The following LRMDA variants were observed in gnomAD, a reference collection of about 807,000 sequenced individuals.
The protein encoded by LRMDA is leucine rich melanocyte differentiation associated, also known as leucine-rich melanocyte differentiation-associated protein.
Under a neutral mutation model 29.8 loss-of-function variants are expected in LRMDA, and 18 were observed. The ratio of observed to expected loss-of-function variants is 0.60; its 90% confidence interval spans 0.42 to 0.90. LRMDA has a LOEUF of 0.90. LRMDA is among the 40% of genes least tolerant of loss of function. The probability of loss-of-function intolerance (pLI) is 0.00; values close to 1 mark genes in which losing one functional copy is unlikely to be tolerated. For synonymous variants in LRMDA, 125 were observed against 109.4 expected (o/e 1.14, Z -0.89); for missense variants, 273 against 273.9 (o/e 1.00, Z 0.02).
intron 5 of LRMDA, among the ~76,000 whole-genome samples, chr10:76,157,802 T>C (rs556092346): frequency 1.9e-4 from 29 of 152,128 alleles, no homozygotes; most frequent in Non-Finnish European, 2.4e-4. Flanking sequence ...TTAGGTGATT[T>C]TGTCATTGTG....
intron 2 of LRMDA, among the ~76,000 whole-genome samples, chr10:75,489,115 G>A (rs1844952188): frequency 6.6e-6 from 1 of 151,944 alleles, no homozygotes; most frequent in Non-Finnish European, 1.5e-5. Flanking sequence ...GAACCAGAGA[G>A]GGACCTCCTT....
chr10:76,176,903 C>A (rs145917687), intron 5 of LRMDA, among the ~76,000 whole-genome samples: 1 of 152,186 alleles, frequency 6.6e-6, no homozygotes, highest in African/African-American at 2.4e-5. Context: ...TGATAATTCA[C>A]GTAATACCTG....
intron 5 of LRMDA, among the ~76,000 whole-genome samples, chr10:76,236,189 A>G (rs918409877): frequency 2.6e-5 from 4 of 152,214 alleles, no homozygotes; most frequent in Non-Finnish European, 5.9e-5. Context: ...CCATCCTCAC[A>G]GGGTTAACAA....
At chr10:76,014,817 C>T (rs539378000) in intron 2 of LRMDA, among the ~76,000 whole-genome samples, 2 of 152,276 alleles carry the variant, frequency 1.3e-5, no homozygotes, top group South Asian at 4.1e-4. Context: ...GTGGCTCAGC[C>T]CTCTGGGGTG....
chr10:75,547,059 A>G (rs1264118128), intron 2 of LRMDA, among the ~76,000 whole-genome samples: 1 of 152,166 alleles, frequency 6.6e-6, no homozygotes, highest in Non-Finnish European at 1.5e-5. Context: ...TAAATCACCA[A>G]GTGCTTGTTG....
rs1589305909 is a variant in LRMDA at position 76,054,554 on chromosome 10, A to G, written c.399-4112A>G. On this transcript the variant is annotated intron_variant, in intron 4 of 6. Transcript: ENST00000611255. ...GCCCCGTGAAGGCATCCTTCACTCC[A>G]TCGTTAAACATTGGCTGATTTTCTA... 5.3e-5 allele frequency among the ~76,000 whole-genome samples: 8 copies of G among 151,892 alleles called. No homozygotes were observed. The South Asian group carries it at 1.5e-3, about 28-fold the overall frequency.
intron 5 of LRMDA, among the ~76,000 whole-genome samples, chr10:76,289,733 G>T (rs1326406917): frequency 1.3e-5 from 2 of 152,124 alleles, no homozygotes; most frequent in Non-Finnish European, 2.9e-5. Flanking sequence ...CCTCATAACT[G>T]ACCAGGCAAA....
At chr10:75,534,695 C>T (rs1372779316) in intron 2 of LRMDA, among the ~76,000 whole-genome samples, 1 of 152,196 alleles carries the variant, frequency 6.6e-6, no homozygotes, top group African/African-American at 2.4e-5. Flanking sequence ...CTTGTGATGG[C>T]TGATAGACAG....
chr10:76,159,176 A>G (rs1371352057), intron 5 of LRMDA, among the ~76,000 whole-genome samples: 1 of 152,180 alleles, frequency 6.6e-6, no homozygotes, highest in Non-Finnish European at 1.5e-5. Flanking sequence ...TAAAACAACC[A>G]TCTAACATTC....
At chr10:76,549,071 C>T (rs573512044) in intron 6 of LRMDA, among the ~76,000 whole-genome samples, 1 of 152,178 alleles carries the variant, frequency 6.6e-6, no homozygotes, top group South Asian at 2.1e-4. Context: ...AGGAACTTGC[C>T]CTGCATTTTT....
chr10:76,084,744 C>T (rs1378598207), intron 5 of LRMDA, among the ~76,000 whole-genome samples: 1 of 152,098 alleles, frequency 6.6e-6, no homozygotes, highest in Admixed American at 6.6e-5. Flanking sequence ...ACATTATTAT[C>T]AAAATTATTA....
chr10:75,647,532 T>C (rs746271177), intron 2 of LRMDA: 4 of 152,330 alleles, frequency 2.6e-5, no homozygotes, highest in Non-Finnish European at 4.4e-5. Flanking sequence ...ATGAGCAGAA[T>C]GGGTCATGTA....
intron 6 of LRMDA, among the ~76,000 whole-genome samples, chr10:76,382,711 A>G (rs532226135): frequency 3.9e-5 from 6 of 152,324 alleles, no homozygotes; most frequent in African/African-American, 1.4e-4. Context: ...CCTCTGGGGC[A>G]TCTGCCTTTG....
At chr10:76,509,806 A>C (rs1179535209) in intron 6 of LRMDA, among the ~76,000 whole-genome samples, 1 of 152,186 alleles carries the variant, frequency 6.6e-6, no homozygotes, top group Admixed American at 6.5e-5. Context: ...AGCGCAGGGC[A>C]GGCAAGCTTA....
At chr10:76,390,605 T>G (rs534013494) in intron 6 of LRMDA, among the ~76,000 whole-genome samples, 3 of 152,166 alleles carry the variant, frequency 2.0e-5, no homozygotes, top group Non-Finnish European at 4.4e-5. Context: ...GCTGAAATAC[T>G]TCCATGGCAG....
intron 5 of LRMDA, among the ~76,000 whole-genome samples, chr10:76,151,547 A>G (rs1850445040): frequency 6.6e-6 from 1 of 152,248 alleles, no homozygotes; most frequent in Non-Finnish European, 1.5e-5. Flanking sequence ...GGGGCCAAAC[A>G]GATATTTATT....
intron 5 of LRMDA, among the ~76,000 whole-genome samples, chr10:76,090,100 C>T (rs969863855): frequency 1.6e-4 from 25 of 152,084 alleles, no homozygotes; most frequent in African/African-American, 5.1e-4. Context: ...GAGATACCTG[C>T]GGAAAGTGGA....
intron 2 of LRMDA, among the ~76,000 whole-genome samples, chr10:75,773,792 G>C (rs1843274269): frequency 1.3e-5 from 2 of 152,144 alleles, no homozygotes. Flanking sequence ...GCTCCTAATG[G>C]AGCTTCCTCA....
chr10:76,406,166 G>A (rs951795307), intron 6 of LRMDA, among the ~76,000 whole-genome samples: 4 of 152,130 alleles, frequency 2.6e-5, no homozygotes, highest in Admixed American at 6.5e-5. Context: ...AAATATGGCC[G>A]GCATTCCGGA....
Sources: allele counts gnomAD v4.1 joint callset (sites outside exome capture counted in the v4.1 genomes callset), GRCh38; gene constraint gnomAD v4.1.1; transcripts MANE v1.5; gene names NCBI Gene and HGNC (gene_info 2026-07-23, HGNC 2026-07-21).